The following PTPN5 variants were observed in gnomAD, a reference collection of about 807,000 sequenced individuals.
PTPN5 encodes the protein tyrosine-protein phosphatase non-receptor type 5.
In PTPN5, 29 loss-of-function variants were observed where a neutral mutation model predicts 73.9. The observed-to-expected ratio is 0.39, with a 90% CI of 0.29 to 0.54. The LOEUF is 0.54. Ranked by LOEUF, PTPN5 falls within the 20% of genes least tolerant of loss-of-function variation. PTPN5 has a pLI of 0.65. For missense variants in PTPN5, 652 were observed against 751.4 expected (o/e 0.87, Z 1.55); for synonymous variants, 267 against 304.7 (o/e 0.88, Z 1.29).
rs757696297 is a variant in PTPN5 at position 18,728,132 on chromosome 11, C to T, written c.*802G>A. ...CAACACACGCATGGACATGGGAACA[C>T]ACGCAGAGCAACACGCAGTGAGACT... On this transcript the variant is annotated 3_prime_UTR_variant, in exon 15 of 15. Coordinates refer to ENST00000358540, the MANE Select transcript of PTPN5 (RefSeq NM_006906.2). This position sits in a 1 kb window ranked among gnomAD's most constrained non-coding sequence, Gnocchi z 4.1. 1.3e-5 allele frequency: 2 copies of T among 152,708 alleles called. No homozygotes were observed. Among genetic ancestry groups the T allele is most frequent in the African/African-American group, 2.4e-5 (1 of 41,462 alleles). 9.5% of individuals were successfully genotyped at this position (152,708 alleles called of 1,614,324 possible).
chr11:18,729,738 TG>T lies in PTPN5; in HGVS notation c.1409del (p.Pro470HisfsTer56), dbSNP rs761650832. 12 of 1,604,256 alleles carry T rather than the reference TG, an allele frequency of 7.5e-6. No homozygotes were observed. Among genetic ancestry groups the T allele is most frequent in the Non-Finnish European group, 8.5e-6 (10 of 1,173,492 alleles). The part of the protein sequence containing the change: ...PDQKTPDRAP[P>X]LLHLVREVEE... ...CCACCTCCCGCACCAGGTGCAGGAGTGGGGGGGCCCGGTCTGGGGTCTTCTG... is the reference window on the plus strand; with the variant it reads ...CCACCTCCCGCACCAGGTGCAGGAGTGGGGGGCCCGGTCTGGGGTCTTCTG... On this transcript the variant is annotated frameshift_variant, in exon 13 of 15. Transcript: ENST00000358540. LOFTEE classifies it high-confidence loss of function. This position sits in a 1 kb window ranked among gnomAD's most constrained non-coding sequence, Gnocchi z 5.2.
At chr11:18,743,766 G>C (rs1003088655) in intron 4 of PTPN5, 1 of 577,250 alleles carries the variant, frequency 1.7e-6, no homozygotes, top group Non-Finnish European at 3.0e-6. Context: ...GGGTCGGGGA[G>C]GCCCTGTGTT....
intron 8 of PTPN5, among the ~76,000 whole-genome samples, chr11:18,740,069 C>T (rs2134214048): frequency 6.6e-6 from 1 of 152,280 alleles, no homozygotes; most frequent in South Asian, 2.1e-4. Flanking sequence ...AGCACTCAGG[C>T]AGGTAAACAG....
At chr11:18,760,424 C>T (rs1032523756) in intron 3 of PTPN5, among the ~76,000 whole-genome samples, 1 of 152,170 alleles carries the variant, frequency 6.6e-6, no homozygotes. Flanking sequence ...GAGACCTAGA[C>T]CTTGTCCTTG....
intron 3 of PTPN5, among the ~76,000 whole-genome samples, chr11:18,759,203 C>T (rs1850282435): frequency 6.6e-6 from 1 of 152,216 alleles, no homozygotes; most frequent in Non-Finnish European, 1.5e-5. Flanking sequence ...TGTTCACATT[C>T]CATATCCTGG....
intron 3 of PTPN5, among the ~76,000 whole-genome samples, chr11:18,755,647 G>A (rs1850097333): frequency 1.3e-5 from 2 of 152,022 alleles, no homozygotes; most frequent in African/African-American, 2.4e-5. Flanking sequence ...AAATGGTCTT[G>A]CTTGTGATTG....
intron 3 of PTPN5, among the ~76,000 whole-genome samples, chr11:18,764,624 G>T: frequency 6.6e-6 from 1 of 152,204 alleles, no homozygotes; most frequent in East Asian, 1.9e-4. Flanking sequence ...TCCATTCTAA[G>T]GTTCCTTGCC....
Position 18,733,497 on chromosome 11 carries a change from G to A in PTPN5, c.1080+59C>T, listed in dbSNP as rs952581223. ...TGGTGTAGGGACAAGGCTGGAGGAT[G>A]GATCCCATCGACTCAGGCCTCCCCT... On this transcript the variant is annotated intron_variant, in intron 10 of 14. Coordinates refer to ENST00000358540, the MANE Select transcript of PTPN5 (RefSeq NM_006906.2). The surrounding 1 kb of genome is among the most constrained non-coding windows in gnomAD (Gnocchi z 4.3). 9 of 1,612,226 alleles carry A rather than the reference G, an allele frequency of 5.6e-6. No individual in the cohort carries two copies. Among genetic ancestry groups the A allele is most frequent in the African/African-American group, 4.0e-5 (3 of 74,910 alleles).
At chr11:18,777,618 G>T (rs2134341642) in intron 1 of PTPN5, among the ~76,000 whole-genome samples, 1 of 152,264 alleles carries the variant, frequency 6.6e-6, no homozygotes, top group East Asian at 1.9e-4. Flanking sequence ...GGAGCAAGAT[G>T]AAGTAAATGA....
At chr11:18,731,404 T>A (rs1590475492) in intron 12 of PTPN5, among the ~76,000 whole-genome samples, 1 of 152,146 alleles carries the variant, frequency 6.6e-6, no homozygotes, top group African/African-American at 2.4e-5. Flanking sequence ...GTGTTCACAG[T>A]ATCCAACCCA....
At chr11:18,740,262 G>A (rs575641391) in intron 8 of PTPN5, among the ~76,000 whole-genome samples, 4 of 152,206 alleles carry the variant, frequency 2.6e-5, no homozygotes, top group African/African-American at 9.6e-5. Flanking sequence ...GAAAACAGAA[G>A]AGTTAGAAGT....
chr11:18,767,695 A>C (rs1455671588), intron 2 of PTPN5, among the ~76,000 whole-genome samples: 1 of 152,246 alleles, frequency 6.6e-6, no homozygotes, highest in Non-Finnish European at 1.5e-5. Context: ...AGAAGAGAGG[A>C]GCTAGAATCA....
Position 18,729,960 on chromosome 11 carries a change from C to T in PTPN5, c.1330-142G>A. 2 of 1,110,770 alleles carry T rather than the reference C, an allele frequency of 1.8e-6. No individual in the cohort carries two copies. The highest frequency in any genetic ancestry group is 2.6e-6 in the Non-Finnish European group (2 of 756,834). 68.8% of individuals were successfully genotyped at this position (1,110,770 alleles called of 1,614,324 possible). Reference sequence around the variant, plus strand: ...GGACCCCTTCACCCTTCCATCTAGGCCACATTGCCCAGTGGCACCAGACAC... The same window carrying T: ...GGACCCCTTCACCCTTCCATCTAGGTCACATTGCCCAGTGGCACCAGACAC... On this transcript the variant is annotated intron_variant, in intron 12 of 14. Transcript: ENST00000358540. The surrounding 1 kb of genome is among the most constrained non-coding windows in gnomAD (Gnocchi z 5.2).
chr11:18,775,353 C>G (rs1327348786), intron 1 of PTPN5, among the ~76,000 whole-genome samples: 2 of 152,200 alleles, frequency 1.3e-5, no homozygotes, highest in Non-Finnish European at 2.9e-5. Flanking sequence ...ATGTGATGAT[C>G]ACCATTTTTA....
At chr11:18,786,201 ATT>A (rs57115676) in intron 1 of PTPN5, among the ~76,000 whole-genome samples, 34,742 of 146,852 alleles carry the variant, frequency 0.24, 4,745 homozygotes, top group African/African-American at 0.4. Context: ...GGGGGAATCT[ATT>A]TTTTTTTTTT....
intron 1 of PTPN5, among the ~76,000 whole-genome samples, chr11:18,782,350 C>T (rs1217345774): frequency 6.6e-6 from 1 of 151,996 alleles, no homozygotes; most frequent in Non-Finnish European, 1.5e-5. Flanking sequence ...GCCTCAGCCT[C>T]CCGAGTAGCT....
chr11:18,752,782 A>G (rs1433402507), intron 3 of PTPN5, among the ~76,000 whole-genome samples: 1 of 152,204 alleles, frequency 6.6e-6, no homozygotes, highest in East Asian at 1.9e-4. Flanking sequence ...CTGAGAACTA[A>G]AAGAGCTGAC....
In PTPN5 at chr11:18,729,606, G is replaced by A; in HGVS notation, c.1491-40C>T. On this transcript the variant is annotated intron_variant, in intron 13 of 14. Transcript: ENST00000358540. This position sits in a 1 kb window ranked among gnomAD's most constrained non-coding sequence, Gnocchi z 5.2. ...GACCGGTGGGGTGAGGGGCAGGGCA[G>A]CCCAGCGGGTGGGGGGCTGCCCCGC... 6.4e-7 allele frequency: 1 copy of A among 1,569,790 alleles called. No homozygotes were observed. The highest frequency in any genetic ancestry group is 8.6e-7 in the Non-Finnish European group (1 of 1,156,462).
At chr11:18,745,437 C>T (rs1035544854) in intron 3 of PTPN5, among the ~76,000 whole-genome samples, 1 of 152,176 alleles carries the variant, frequency 6.6e-6, no homozygotes, top group African/African-American at 2.4e-5. Context: ...CCCAGCCGGG[C>T]CCATTTCAGC....
Sources: allele counts gnomAD v4.1 joint callset (sites outside exome capture counted in the v4.1 genomes callset), GRCh38; gene constraint gnomAD v4.1.1; non-coding constraint Gnocchi (gnomAD v3.1); transcripts MANE v1.5; gene names NCBI Gene and HGNC (gene_info 2026-07-23, HGNC 2026-07-21).